Variants in SLC2A7 observed in about 807,000 individuals in gnomAD.
The protein encoded by SLC2A7 is solute carrier family 2, facilitated glucose transporter member 7.
In SLC2A7, 50 loss-of-function variants were observed where a neutral mutation model predicts 50.5. The ratio of observed to expected loss-of-function variants is 0.99; its 90% confidence interval spans 0.79 to 1.25. The LOEUF (loss-of-function observed/expected upper bound fraction) is 1.25, where lower values mean the gene tolerates loss of function less well. SLC2A7 is among the 50% of genes most tolerant of loss of function. The pLI is 0.00. For missense variants in SLC2A7, 683 were observed against 679.1 expected, an observed-to-expected ratio of 1.01 and a Z score of -0.06; for synonymous variants, 308 against 300.4, an observed-to-expected ratio of 1.03 and a Z score of -0.26.
rs191569637 is a variant in SLC2A7 at position 9,007,854 on chromosome 1, C to T, written c.1117-469G>A. 1.7e-3 allele frequency among the ~76,000 whole-genome samples: 257 copies of T among 152,100 alleles called. 1 individual carries two copies. The highest frequency in any genetic ancestry group is 5.0e-3 in the African/African-American group (207 of 41,504). ...CCCGGGTTCAAGATTCCCCTGCCTCCGCCTCCTGTAGCTGGGACTAGAGGC... is the reference window on the plus strand; with the variant it reads ...CCCGGGTTCAAGATTCCCCTGCCTCTGCCTCCTGTAGCTGGGACTAGAGGC... On this transcript the variant is annotated intron_variant, in intron 9 of 11. Coordinates refer to ENST00000400906, the MANE Select transcript of SLC2A7 (RefSeq NM_207420.3).
chr1:9,019,558 T>C lies in SLC2A7; in HGVS notation c.312-225A>G, dbSNP rs971302389. 1.6e-4 allele frequency among the ~76,000 whole-genome samples: 25 copies of C among 152,168 alleles called. No homozygotes were observed. In the East Asian group the frequency reaches 2.9e-3, roughly 18 times the overall value. ...GCAGGAGGGACCTCTGGGAGGTGAA[T>C]AGGTCATGTGGGGCCCTCACGATGG... On this transcript the variant is annotated intron_variant, in intron 3 of 11. Transcript: ENST00000400906.
intron 7 of SLC2A7, among the ~76,000 whole-genome samples, chr1:9,014,283 C>T (rs1377825111): frequency 6.6e-6 from 1 of 152,216 alleles, no homozygotes; most frequent in Non-Finnish European, 1.5e-5. Context: ...GAGCCACGGT[C>T]GCAGAAAGCG....
At chr1:9,021,603 C>T (rs1256135149) in intron 3 of SLC2A7, among the ~76,000 whole-genome samples, 1 of 152,164 alleles carries the variant, frequency 6.6e-6, no homozygotes, top group East Asian at 1.9e-4. Context: ...CACAGACAAG[C>T]AGGCTGGTGT....
intron 2 of SLC2A7, among the ~76,000 whole-genome samples, chr1:9,023,338 T>C (rs1201630382): frequency 6.6e-6 from 1 of 152,232 alleles, no homozygotes; most frequent in African/African-American, 2.4e-5. Flanking sequence ...CCGGACGCAG[T>C]GGCTCACGCC....
chr1:8,993,173 A>C, the SLC2A7 span, among the ~76,000 whole-genome samples: 1 of 152,176 alleles, frequency 6.6e-6, no homozygotes. Context: ...AAAGAGAGAG[A>C]GCTTGTGCAG....
the SLC2A7 span, among the ~76,000 whole-genome samples, chr1:8,995,372 C>T: frequency 1.2e-4 from 18 of 150,846 alleles, no homozygotes; most frequent in East Asian, 3.0e-3. Context: ...GGTGTGAACC[C>T]GGGAGGCGGA....
chr1:8,996,132 C>T, the SLC2A7 span, among the ~76,000 whole-genome samples: 2 of 152,176 alleles, frequency 1.3e-5, no homozygotes, highest in Admixed American at 1.3e-4. Context: ...GACATATATA[C>T]ACGTTCGTGA....
chr1:9,019,144 T>C, intron 4 of SLC2A7, 65 bp downstream of exon 4: 1 of 1,565,404 alleles, frequency 6.4e-7, no homozygotes, highest in Non-Finnish European at 8.7e-7. Flanking sequence ...CATCTGCTCC[T>C]GCTTCCAGCC....
At chr1:9,019,458 A>G (rs1640881464) in intron 3 of SLC2A7, 125 bp from the exon 4 acceptor site, 2 of 1,373,576 alleles carry the variant, frequency 1.5e-6, no homozygotes, top group Middle Eastern at 2.5e-4. Flanking sequence ...AAAGAGCTGA[A>G]GCAGGGGGCC....
chr1:9,010,722 G>A (rs558296056), intron 8 of SLC2A7, among the ~76,000 whole-genome samples: 87 of 152,272 alleles, frequency 5.7e-4, no homozygotes, highest in African/African-American at 2.1e-3. Flanking sequence ...ATTTGACATG[G>A]GTCAGACATT....
rs574578731 is a variant in SLC2A7 at position 9,008,758 on chromosome 1, G to A, written c.1117-1373C>T. 9.9e-5 allele frequency among the ~76,000 whole-genome samples: 15 copies of A among 152,098 alleles called. No homozygotes were observed. Among genetic ancestry groups the A allele is most frequent in the Admixed American group, 4.6e-4 (7 of 15,284 alleles). On this transcript the variant is annotated intron_variant, in intron 9 of 11. Transcript: ENST00000400906. This position sits in a 1 kb window ranked among gnomAD's most constrained non-coding sequence, Gnocchi z 5.9. ...ATTACAGGCACACGCCACCACACCC[G>A]ACTAAATTTTGTATTTTTAATAGAG...
intron 9 of SLC2A7, 82 bp downstream of exon 9, chr1:9,010,061 G>A: frequency 7.5e-7 from 1 of 1,330,910 alleles, no homozygotes. Context: ...CCAACCACTT[G>A]GTGCAGCGGG....
chr1:9,019,078 G>A, intron 4 of SLC2A7, 131 bp downstream of exon 4: 4 of 1,211,288 alleles, frequency 3.3e-6, no homozygotes, highest in Non-Finnish European at 4.5e-6. Context: ...AAGGGCCTGG[G>A]GATGCAGATG....
intron 8 of SLC2A7, among the ~76,000 whole-genome samples, chr1:9,011,678 C>G (rs1463313698): frequency 6.6e-6 from 1 of 151,732 alleles, no homozygotes; most frequent in African/African-American, 2.4e-5. Flanking sequence ...CAACCAAGCC[C>G]AGGCCACACT....
intron 3 of SLC2A7, 24 bp downstream of exon 3, chr1:9,022,893 TG>T: frequency 6.2e-7 from 1 of 1,609,968 alleles, no homozygotes; most frequent in Non-Finnish European, 8.5e-7. Context: ...GAATTTTAAG[TG>T]GGAGCAGTGC....
chr1:9,025,451 A>G (rs1640982752), intron 1 of SLC2A7, among the ~76,000 whole-genome samples: 1 of 152,124 alleles, frequency 6.6e-6, no homozygotes, highest in African/African-American at 2.4e-5. Flanking sequence ...AATTCCAAAT[A>G]GCTAGAATGC....
In SLC2A7 at chr1:9,010,239, G is replaced by A; in HGVS notation, c.1020C>T (p.Val340=). 1.9e-6 allele frequency: 3 copies of A among 1,550,904 alleles called. No individual in the cohort carries two copies. The highest frequency in any genetic ancestry group is 2.6e-6 in the Non-Finnish European group (3 of 1,146,866). Residue 340 remains valine (V), a synonymous_variant, in exon 9 of 12, where the codon GTC becomes GTT. Coordinates refer to ENST00000400906, the MANE Select transcript of SLC2A7 (RefSeq NM_207420.3). The part of the protein sequence containing the change: ...VNIVMTITSA[V]LVERLGRRHL... ...GCCGCCGTCCCAGCCGCTCCACAAG[G>A]ACAGCCTGGAGGGGAAGGGGGACAG...
intron 9 of SLC2A7, among the ~76,000 whole-genome samples, chr1:9,009,520 G>A (rs183975475): frequency 6.6e-5 from 10 of 152,224 alleles, no homozygotes; most frequent in East Asian, 1.9e-4. Flanking sequence ...ACAATGGTGC[G>A]ATCATGGCTC....
At chr1:9,025,213 G>A (rs1640979376) in intron 1 of SLC2A7, 139 bp from the exon 2 acceptor site, 5 of 835,810 alleles carry the variant, frequency 6.0e-6, no homozygotes, top group African/African-American at 1.7e-5. Context: ...AAAAGAGGAG[G>A]AGGTGGCGCA....
Sources: allele counts gnomAD v4.1 joint callset (sites outside exome capture counted in the v4.1 genomes callset), GRCh38; gene constraint gnomAD v4.1.1; non-coding constraint Gnocchi (gnomAD v3.1); transcripts MANE v1.5; gene names NCBI Gene and HGNC (gene_info 2026-07-23, HGNC 2026-07-21).